IFNAR1: variants seen among roughly 807,000 people sequenced by gnomAD.
IFNAR1 encodes interferon alpha and beta receptor subunit 1, also known as interferon alpha/beta receptor 1.
A neutral mutation model predicts 62.1 loss-of-function variants in IFNAR1; 47 were observed. That is an observed-to-expected ratio of 0.76 (90% CI 0.60 to 0.97). The LOEUF is 0.97. Among genes scored for constraint, IFNAR1 ranks in the 50% least tolerant of loss-of-function variants. The pLI, the probability that IFNAR1 is intolerant of heterozygous loss-of-function variation, is 0.00. For synonymous variants in IFNAR1, 219 were observed against 226.9 expected (o/e 0.97, Z 0.31); for missense variants, 638 against 654.5 (o/e 0.97, Z 0.27).
chr21:33,335,224 C>G, intron 1 of IFNAR1: 1 of 455,568 alleles, frequency 2.2e-6, no homozygotes, highest in Non-Finnish European at 4.0e-6. Context: ...TCATCGGTGT[C>G]ACTTCTAAGA....
chr21:33,331,619 A>G (rs1374058145), intron 1 of IFNAR1, among the ~76,000 whole-genome samples: 1 of 152,074 alleles, frequency 6.6e-6, no homozygotes, highest in Admixed American at 6.5e-5. Flanking sequence ...CCCAGACAAC[A>G]GCTATGCTTC....
At chr21:33,336,654 G>T (rs1243567510) in intron 2 of IFNAR1, among the ~76,000 whole-genome samples, 7 of 152,116 alleles carry the variant, frequency 4.6e-5, no homozygotes, top group Admixed American at 2.0e-4. Context: ...ACTCCAAAAG[G>T]TCCATCGAAG....
chr21:33,347,391 A>G (rs1173522775), intron 6 of IFNAR1, among the ~76,000 whole-genome samples: 2 of 151,978 alleles, frequency 1.3e-5, no homozygotes, highest in African/African-American at 4.8e-5. Flanking sequence ...CAGCCTCCCA[A>G]AGTTCTGGGA....
Position 33,343,274 on chromosome 21 carries a change from T to C in IFNAR1, c.383T>C (p.Ile128Thr). 6.2e-7 allele frequency: 1 copy of C among 1,611,108 alleles called. No individual in the cohort carries two copies. The highest frequency in any genetic ancestry group is 8.5e-7 in the Non-Finnish European group (1 of 1,178,970). The change falls in exon 4 of 11, where the codon ATT becomes ACT. Residue 128 changes from isoleucine (I) to threonine (T), a missense_variant. By Grantham distance (89) the Ile-to-Thr change is moderately conservative (BLOSUM62 -1). Coordinates refer to ENST00000270139, the MANE Select transcript of IFNAR1 (RefSeq NM_000629.3). ...DSFTPFRKAQ[I>T]GPPEVHLEAE... ...TGTTTTGATTTTTTTGCAGCTCAGA[T>C]TGGTCCTCCAGAAGTACATTTAGAA...
At chr21:33,344,685 G>A (rs1306260982) in intron 5 of IFNAR1, among the ~76,000 whole-genome samples, 1 of 151,648 alleles carries the variant, frequency 6.6e-6, no homozygotes, top group African/African-American at 2.4e-5. Context: ...CAGTGTGTTG[G>A]GGATATTCTA....
intron 9 of IFNAR1, 77 bp from the exon 10 acceptor site, chr21:33,353,561 T>A (rs2083417992): frequency 8.0e-6 from 6 of 751,350 alleles, no homozygotes; most frequent in Middle Eastern, 6.1e-4. Flanking sequence ...ATATGGCTAG[T>A]CTTTCACACA....
chr21:33,327,188 G>A (rs900087277), intron 1 of IFNAR1, among the ~76,000 whole-genome samples: 10 of 152,202 alleles, frequency 6.6e-5, no homozygotes, highest in African/African-American at 1.9e-4. Context: ...TGAAAAACTT[G>A]CATTAAACTC....
intron 10 of IFNAR1, 89 bp downstream of exon 10, chr21:33,353,872 G>A: frequency 2.3e-6 from 2 of 854,234 alleles, no homozygotes; most frequent in Non-Finnish European, 3.6e-6. Flanking sequence ...AGGTTTTCTT[G>A]ATATCCAGAA....
rs1393939965 is a variant in IFNAR1 at position 33,340,928 on chromosome 21, TAAATAG to T, written c.201-67_201-62del. 11 of 957,520 alleles carry T rather than the reference TAAATAG, an allele frequency of 1.1e-5. No individual in the cohort carries two copies. The East Asian group carries it at 2.7e-4, about 23-fold the overall frequency. 59.3% of individuals were successfully genotyped at this position (957,520 alleles called of 1,614,324 possible). Reference sequence around the variant, plus strand: ...AGTTAAGAAATAACTCTTATACCAGTAAATAGAAAGTATTTGACACTTACATTTATA... The same window carrying T: ...AGTTAAGAAATAACTCTTATACCAGTAAAGTATTTGACACTTACATTTATA... On this transcript the variant is annotated intron_variant, in intron 2 of 10. Transcript: ENST00000270139.
At chr21:33,345,091 A>G (rs1182150066) in intron 5 of IFNAR1, among the ~76,000 whole-genome samples, 155 bp from the exon 6 acceptor site, 1 of 152,182 alleles carries the variant, frequency 6.6e-6, no homozygotes, top group Non-Finnish European at 1.5e-5. Context: ...CCCGGCCTGT[A>G]GTCTTTCAAA....
chr21:33,334,825 G>T, intron 1 of IFNAR1: 1 of 927,110 alleles, frequency 1.1e-6, no homozygotes, highest in Non-Finnish European at 1.8e-6. Context: ...TCATGACCCA[G>T]GTGGTGATCC....
chr21:33,341,038 G>A lies in IFNAR1; in HGVS notation c.240G>A (p.Gln80=). 1 of 1,612,600 alleles carries A rather than the reference G, an allele frequency of 6.2e-7. No individual in the cohort carries two copies. Among genetic ancestry groups the A allele is most frequent in the South Asian group, 1.1e-5 (1 of 91,020 alleles). Residue 80 remains glutamine (Q), a synonymous_variant, in exon 3 of 11, where the codon CAG becomes CAA. Transcript: ENST00000270139. ...MDNWIKLSGC[Q]NITSTKCNFS... ...ATTGGATAAAATTGTCTGGGTGTCA[G>A]AATATTACTAGTACCAAATGCAACT...
At chr21:33,339,778 A>C (rs1266657007) in intron 2 of IFNAR1, among the ~76,000 whole-genome samples, 1 of 151,922 alleles carries the variant, frequency 6.6e-6, no homozygotes, top group Non-Finnish European at 1.5e-5. Context: ...AAATACAAAA[A>C]TTAGCCAGAC....
At chr21:33,328,668 A>G (rs148487710) in intron 1 of IFNAR1, among the ~76,000 whole-genome samples, 24 of 152,338 alleles carry the variant, frequency 1.6e-4, no homozygotes, top group African/African-American at 5.5e-4. Context: ...CTAGGACTCT[A>G]GATTAAGAAA....
At chr21:33,344,848 C>T (rs1022419942) in intron 5 of IFNAR1, among the ~76,000 whole-genome samples, 12 of 151,730 alleles carry the variant, frequency 7.9e-5, no homozygotes, top group South Asian at 4.2e-4. Context: ...AGTGCAGTGG[C>T]TCAATCTCGG....
chr21:33,332,279 AC>A, intron 1 of IFNAR1, among the ~76,000 whole-genome samples: 1 of 152,244 alleles, frequency 6.6e-6, no homozygotes, highest in East Asian at 1.9e-4. Flanking sequence ...CCCATTTACT[AC>A]TGACATTGAA....
In IFNAR1 at chr21:33,349,145, T is replaced by G; in HGVS notation, c.843T>G (p.Pro281=). The stretch of plus-strand genomic sequence containing the variant: ...ATTTGTATAAATGGAAACAAATACC[T>G]GACTGTGAAAATGTCAAAACTACCC... ...GNHLYKWKQI[P]DCENVKTTQC... The change falls in exon 7 of 11, where the codon CCT becomes CCG. Residue 281 remains proline (P), a synonymous_variant. Transcript: ENST00000270139. 6.2e-7 allele frequency: 1 copy of G among 1,613,202 alleles called. No individual in the cohort carries two copies. Among genetic ancestry groups the G allele is most frequent in the South Asian group, 1.1e-5 (1 of 90,850 alleles).
Position 33,355,385 on chromosome 21 carries a change from A to G in IFNAR1, c.1510A>G (p.Ile504Val), listed in dbSNP as rs2083437187. 6.2e-7 allele frequency: 1 copy of G among 1,603,654 alleles called. No homozygotes were observed. The highest frequency in any genetic ancestry group is 8.5e-7 in the Non-Finnish European group (1 of 1,174,652). Residue 504 changes from isoleucine to valine, a missense_variant, in exon 11 of 11, where the codon ATA becomes GTA. Physicochemically the swap from Ile to Val is conservative, Grantham distance 29. Transcript: ENST00000270139. Reference sequence around the variant, plus strand: ...TGAGGAACAAATCGAAAAATGTTTCATAATTGAAAATATAAGCACAATTGC... The same window carrying G: ...TGAGGAACAAATCGAAAAATGTTTCGTAATTGAAAATATAAGCACAATTGC... ...TSEEQIEKCF[I>V]IENISTIATV...
intron 1 of IFNAR1, among the ~76,000 whole-genome samples, chr21:33,331,543 C>T (rs1336331388): frequency 2.0e-5 from 3 of 152,160 alleles, no homozygotes. Flanking sequence ...CCTCTAGAGC[C>T]TGAGCTGCTG....
Sources: gnomAD v4.1 joint callset for allele counts (sites outside exome capture counted in the v4.1 genomes callset) on GRCh38, gnomAD v4.1.1 for gene constraint, MANE v1.5 for transcripts, NCBI Gene and HGNC (gene_info 2026-07-23, HGNC 2026-07-21) for gene names.